Variants in SMCHD1 observed in about 807,000 individuals in gnomAD.
The protein encoded by SMCHD1 is structural maintenance of chromosomes flexible hinge domain containing 1, also known as structural maintenance of chromosomes flexible hinge domain-containing protein 1.
SMCHD1 carries 78 observed loss-of-function variants against 254.7 expected under a neutral mutation model. The ratio of observed to expected loss-of-function variants is 0.31; its 90% CI spans 0.26 to 0.37. SMCHD1 has a LOEUF of 0.37. SMCHD1 is among the 10% of genes least tolerant of loss of function. The pLI is 1.00. For synonymous variants in SMCHD1, 766 were observed against 794.9 expected, an observed-to-expected ratio of 0.96 and a Z score of 0.61; for missense variants, 1,840 against 2,408.1, an observed-to-expected ratio of 0.76 and a Z score of 4.94.
rs141103751 is a variant in SMCHD1, at chr18:2,665,482, G to C, written c.187-675G>C. Reference sequence around the variant, plus strand: ...ATTACAGGTGTGCGCCACCACACCTGGCTAATTTTTGTATTTTTAGTAGAG... The same window carrying C: ...ATTACAGGTGTGCGCCACCACACCTCGCTAATTTTTGTATTTTTAGTAGAG... On this transcript the variant is annotated intron_variant, in intron 1 of 47. Coordinates refer to ENST00000320876, the MANE Select transcript of SMCHD1 (RefSeq NM_015295.3). Among the ~76,000 whole-genome samples, 4 of 152,000 alleles carry C rather than the reference G, an allele frequency of 2.6e-5. No individual in the cohort carries two copies. The East Asian group carries it at 7.7e-4, about 29-fold the overall frequency.
At chr18:2,708,615 TG>T (rs1344229813) in intron 17 of SMCHD1, among the ~76,000 whole-genome samples, 434 of 17,080 alleles carry the variant, frequency 0.025, 1 homozygote, top group African/African-American at 0.045. Context: ...ATGACCTTCC[TG>T]CTTTTTTTTT....
In SMCHD1 at chr18:2,793,813, C is replaced by T. The variant is rs139552652; in HGVS notation, c.5720-2136C>T. Among the ~76,000 whole-genome samples the T allele has an allele frequency of 1.4e-3, 216 of 152,240 alleles. 1 individual carries two copies. The highest frequency in any genetic ancestry group is 5.0e-3 in the African/African-American group (206 of 41,546). On this transcript the variant is annotated intron_variant, in intron 45 of 47. Transcript: ENST00000320876. ...TTAAATATGAATATGTTCACAAGCA[C>T]ACACAGATGTGTATATGTAATTTGG...
intron 28 of SMCHD1, among the ~76,000 whole-genome samples, chr18:2,741,826 C>T (rs192095670): frequency 5.9e-5 from 9 of 152,244 alleles, no homozygotes; most frequent in African/African-American, 2.2e-4. Flanking sequence ...TTATCTCTTC[C>T]ACTAGAGCAG....
chr18:2,784,533 G>T lies in SMCHD1; in HGVS notation c.5631G>T (p.Gln1877His). The T allele has an allele frequency of 6.2e-7, 1 of 1,612,886 alleles. No homozygotes were observed. Among genetic ancestry groups the T allele is most frequent in the Non-Finnish European group, 8.5e-7 (1 of 1,179,488 alleles). Reference protein sequence around the residue: ...IRSNGKFGGLQNKAPPMDKLR... With the variant: ...IRSNGKFGGLHNKAPPMDKLR... ...GTAATGGAAAGTTTGGGGGCCTTCA[G>T]AATAAAGCTCCTCCAATGGATAAAC... is the stretch of plus-strand genomic sequence containing the variant. The change falls in exon 45 of 48, where the codon CAG becomes CAT. Residue 1877 changes from glutamine to histidine, a missense_variant. Coordinates refer to ENST00000320876, the MANE Select transcript of SMCHD1 (RefSeq NM_015295.3).
chr18:2,754,135 T>G (rs913070924), intron 34 of SMCHD1, among the ~76,000 whole-genome samples: 4 of 152,236 alleles, frequency 2.6e-5, no homozygotes, highest in Non-Finnish European at 4.4e-5. Flanking sequence ...TTATGATATC[T>G]TGAACAGCAG....
rs1391113980 is a variant in SMCHD1 at position 2,743,812 on chromosome 18, C to T, written c.3685C>T (p.Pro1229Ser). ...VRGIKFIPGP[P>S]GNKDLCFTWR... The stretch of plus-strand genomic sequence containing the variant: ...AGGCATCAAATTTATTCCAGGTCCT[C>T]CTGGAAATAAGGATCTTTGTTTTAC... The change falls in exon 29 of 48, where the codon CCT becomes TCT. Residue 1229 changes from proline (P) to serine (S), a missense_variant. By Grantham distance (74) the Pro-to-Ser change is moderately conservative (BLOSUM62 -1). Around this residue, in one of 9 missense-constraint regions of SMCHD1, gnomAD observed 881 missense variants for 1,009.5 expected, o/e 0.87. Transcript: ENST00000320876. 1 of 1,613,116 alleles carries T rather than the reference C, an allele frequency of 6.2e-7. No individual in the cohort carries two copies. Among genetic ancestry groups the T allele is most frequent in the South Asian group, 1.1e-5 (1 of 90,970 alleles).
At chr18:2,703,596 T>C (rs1391363797) in intron 12 of SMCHD1, 96 bp from the exon 13 acceptor site, 2 of 932,098 alleles carry the variant, frequency 2.1e-6, no homozygotes, top group Non-Finnish European at 3.3e-6. Context: ...TGAATTGGAG[T>C]ATATGAAAGG....
intron 37 of SMCHD1, among the ~76,000 whole-genome samples, chr18:2,768,373 TA>T (rs2075908490): frequency 6.6e-6 from 1 of 152,094 alleles, no homozygotes; most frequent in Non-Finnish European, 1.5e-5. Flanking sequence ...TTGGCCAGCA[TA>T]AGGGGAATTG....
chr18:2,739,004 T>A (rs1325666616), intron 26 of SMCHD1, among the ~76,000 whole-genome samples: 1 of 152,208 alleles, frequency 6.6e-6, no homozygotes, highest in African/African-American at 2.4e-5. Context: ...CTTGGCCACC[T>A]CTTTTCCAAT....
chr18:2,664,567 T>TA (rs1175645875), intron 1 of SMCHD1, among the ~76,000 whole-genome samples: 1 of 152,216 alleles, frequency 6.6e-6, no homozygotes, highest in Non-Finnish European at 1.5e-5. Context: ...AAGTTAGCTT[T>TA]AAAGGCTTGA....
At position 2,724,197 on chromosome 18, in the gene SMCHD1, A is replaced by G. The variant is rs114345651; in HGVS notation, c.2604-702A>G. On this transcript the variant is annotated intron_variant, in intron 20 of 47. Coordinates refer to ENST00000320876, the MANE Select transcript of SMCHD1 (RefSeq NM_015295.3). ...TACAGTTTATTCTGAAAATACCTGT[A>G]AACACTTAAATTCCATTCCTCAGAA... Among the ~76,000 whole-genome samples, 617 of 150,364 alleles carry G rather than the reference A, an allele frequency of 4.1e-3. 2 individuals are homozygous for G. The highest frequency in any genetic ancestry group is 0.015 in the African/African-American group (594 of 40,804).
chr18:2,772,730 A>T (rs1410997062), intron 41 of SMCHD1, among the ~76,000 whole-genome samples: 2 of 152,176 alleles, frequency 1.3e-5, no homozygotes, highest in East Asian at 3.9e-4. Flanking sequence ...TGCTGGGCTC[A>T]AGTGATCCTT....
chr18:2,709,233 T>TGTGTATATAC (rs1491142388), intron 17 of SMCHD1, among the ~76,000 whole-genome samples: 2 of 54,194 alleles, frequency 3.7e-5, no homozygotes, highest in South Asian at 1.1e-3. Flanking sequence ...TGTATATGTG[T>TGTGTATATAC]ATATATATAT....
chr18:2,787,589 A>G (rs2076259585), intron 45 of SMCHD1, among the ~76,000 whole-genome samples: 1 of 152,240 alleles, frequency 6.6e-6, no homozygotes, highest in Non-Finnish European at 1.5e-5. Flanking sequence ...GAATTAATGT[A>G]AAAGGCCTAG....
chr18:2,758,049 T>TATAGATAG (rs200025760), intron 34 of SMCHD1, among the ~76,000 whole-genome samples: 4 of 151,854 alleles, frequency 2.6e-5, no homozygotes, highest in South Asian at 4.2e-4. Flanking sequence ...TGTTTGCATA[T>TATAGATAG]ATAGATAGAT....
chr18:2,726,245 C>T (rs563309435), intron 21 of SMCHD1, among the ~76,000 whole-genome samples: 6 of 152,016 alleles, frequency 3.9e-5, no homozygotes, highest in African/African-American at 1.2e-4. Context: ...CTCTTCCTTT[C>T]ACTGTCTATA....
At chr18:2,791,895 G>C (rs2076172639) in intron 45 of SMCHD1, among the ~76,000 whole-genome samples, 1 of 152,158 alleles carries the variant, frequency 6.6e-6, no homozygotes, top group African/African-American at 2.4e-5. Context: ...GTACTAATTA[G>C]TGCATGCATG....
intron 34 of SMCHD1, among the ~76,000 whole-genome samples, chr18:2,753,677 G>C (rs891745236): frequency 1.3e-5 from 2 of 152,066 alleles, no homozygotes; most frequent in Non-Finnish European, 2.9e-5. Context: ...AAGTAGCTAG[G>C]ACTACAGGAA....
intron 22 of SMCHD1, 200 bp from the exon 23 acceptor site, chr18:2,728,256 CA>C: frequency 4.0e-6 from 2 of 502,584 alleles, no homozygotes; most frequent in Non-Finnish European, 6.9e-6. Context: ...GCATTTTATA[CA>C]ATTGAGATAA....
Sources: gnomAD v4.1 joint callset for allele counts (sites outside exome capture counted in the v4.1 genomes callset) on GRCh38, gnomAD v4.1.1 for gene constraint, gnomAD v4.1.1 regional missense constraint, MANE v1.5 for transcripts, NCBI Gene and HGNC (gene_info 2026-07-23, HGNC 2026-07-21) for gene names.